RBMS3: variants seen among roughly 807,000 people sequenced by gnomAD.
The protein encoded by RBMS3 is RNA binding motif single stranded interacting protein 3.
RBMS3 carries 27 observed loss-of-function variants against 66.8 expected under a neutral mutation model. The observed-to-expected ratio is 0.40, with a 90% CI of 0.30 to 0.56. The LOEUF (loss-of-function observed/expected upper bound fraction) is 0.56, where lower values mean the gene tolerates loss of function less well. Among genes scored for constraint, RBMS3 ranks in the 20% least tolerant of loss-of-function variants. The pLI is 0.40. For synonymous variants in RBMS3, 188 were observed against 183.0 expected, an observed-to-expected ratio of 1.03 and a Z score of -0.22; for missense variants, 513 against 549.5, an observed-to-expected ratio of 0.93 and a Z score of 0.66.
In RBMS3 at chr3:29,429,119, C is replaced by T. The variant is rs190657683; in HGVS notation, c.76-5624C>T. Among the ~76,000 whole-genome samples the T allele has an allele frequency of 7.2e-5, 11 of 152,118 alleles. No homozygotes were observed. In the East Asian group the frequency reaches 1.4e-3, roughly 19 times the overall value. On this transcript the variant is annotated intron_variant, in intron 1 of 14. Coordinates refer to ENST00000383767, the MANE Select transcript of RBMS3 (RefSeq NM_001003793.3). Reference sequence around the variant, plus strand: ...CTGCGTGGCTTCTGGAGTCAGAGTCCCTGGCCTCAAGTTGGGCTCCAGCTG... The same window carrying T: ...CTGCGTGGCTTCTGGAGTCAGAGTCTCTGGCCTCAAGTTGGGCTCCAGCTG...
chr3:29,788,241 T>G (rs566225465), intron 6 of RBMS3, among the ~76,000 whole-genome samples: 1 of 148,358 alleles, frequency 6.7e-6, no homozygotes, highest in East Asian at 2.0e-4. Flanking sequence ...AATTAAAAAT[T>G]TGTAATTTTA....
intron 6 of RBMS3, among the ~76,000 whole-genome samples, chr3:29,775,324 TA>T (rs1223747458): frequency 2.0e-5 from 3 of 151,936 alleles, no homozygotes; most frequent in Non-Finnish European, 2.9e-5. Context: ...TGTTTTGTTT[TA>T]TTTTTTTAAA....
At chr3:29,408,633 CT>C (rs1352116078) in intron 1 of RBMS3, among the ~76,000 whole-genome samples, 6 of 152,188 alleles carry the variant, frequency 3.9e-5, no homozygotes, top group African/African-American at 1.4e-4. Flanking sequence ...TTATGATACA[CT>C]TTTTTTATAT....
intron 4 of RBMS3, among the ~76,000 whole-genome samples, chr3:29,674,416 G>A (rs2051144329): frequency 6.6e-6 from 1 of 152,026 alleles, no homozygotes; most frequent in Non-Finnish European, 1.5e-5. Flanking sequence ...TAATCAGGCG[G>A]GAGAAAGAAA....
intron 3 of RBMS3, among the ~76,000 whole-genome samples, chr3:29,559,747 A>T (rs903981942): frequency 6.6e-6 from 1 of 152,134 alleles, no homozygotes; most frequent in African/African-American, 2.4e-5. Flanking sequence ...GAATGAATGA[A>T]TGAATGAAAT....
chr3:29,987,645 A>G (rs1698520923), intron 12 of RBMS3, among the ~76,000 whole-genome samples: 2 of 152,328 alleles, frequency 1.3e-5, no homozygotes, highest in South Asian at 2.1e-4. Context: ...ACATTTGCCA[A>G]TAATGCCAAT....
chr3:29,807,757 A>C (rs149958379), intron 6 of RBMS3, among the ~76,000 whole-genome samples: 15 of 151,602 alleles, frequency 9.9e-5, no homozygotes, highest in Middle Eastern at 3.4e-3. Flanking sequence ...GTAAAAATAA[A>C]ATACCAAAAA....
chr3:29,989,329 T>A (rs1270388640), intron 13 of RBMS3, among the ~76,000 whole-genome samples: 1 of 152,146 alleles, frequency 6.6e-6, no homozygotes, highest in African/African-American at 2.4e-5. Context: ...GTAAAACACT[T>A]AGGTACCTAT....
chr3:29,906,279 A>G (rs1007195774), intron 10 of RBMS3, among the ~76,000 whole-genome samples: 2 of 152,096 alleles, frequency 1.3e-5, no homozygotes, highest in African/African-American at 2.4e-5. Flanking sequence ...TATATAGCTC[A>G]CAATTCTGGA....
At chr3:29,710,511 A>C (rs964769586) in intron 4 of RBMS3, among the ~76,000 whole-genome samples, 1 of 152,182 alleles carries the variant, frequency 6.6e-6, no homozygotes, top group Non-Finnish European at 1.5e-5. Flanking sequence ...ACACAGTCGC[A>C]GGCACAGCAT....
chr3:29,413,540 A>C (rs905970293), intron 1 of RBMS3, among the ~76,000 whole-genome samples: 1 of 152,232 alleles, frequency 6.6e-6, no homozygotes, highest in African/African-American at 2.4e-5. Flanking sequence ...ATTTGGAAAC[A>C]TAATTCTAGT....
intron 4 of RBMS3, among the ~76,000 whole-genome samples, chr3:29,714,472 G>T (rs147917890): frequency 5.3e-5 from 8 of 152,126 alleles, no homozygotes; most frequent in Non-Finnish European, 1.0e-4. Flanking sequence ...AGACAGCCAC[G>T]TATGTGAGTC....
chr3:29,654,562 GTGTGTGTGTGTA>G (rs1334878268), intron 4 of RBMS3, among the ~76,000 whole-genome samples: 1 of 131,254 alleles, frequency 7.6e-6, no homozygotes, highest in Non-Finnish European at 1.7e-5. Context: ...GTGTGTGTGT[GTGTGTGTGTGTA>G]TTGGGCATGT....
chr3:29,483,132 T>C (rs185904812), intron 2 of RBMS3, among the ~76,000 whole-genome samples: 1 of 121,266 alleles, frequency 8.2e-6, no homozygotes, highest in African/African-American at 3.4e-5. Flanking sequence ...GGTGAAACCC[T>C]GTCTCTACTA....
chr3:29,779,566 C>T (rs1178067984), intron 6 of RBMS3, among the ~76,000 whole-genome samples: 1 of 151,006 alleles, frequency 6.6e-6, no homozygotes, highest in East Asian at 1.9e-4. Flanking sequence ...CTTAAAAAAA[C>T]AATTACCACA....
chr3:29,922,373 G>A (rs1466519778), intron 10 of RBMS3, among the ~76,000 whole-genome samples: 1 of 151,490 alleles, frequency 6.6e-6, no homozygotes, highest in Non-Finnish European at 1.5e-5. Context: ...TGTAGTCCCA[G>A]CTACTCGGGA....
intron 6 of RBMS3, among the ~76,000 whole-genome samples, chr3:29,836,535 C>T (rs932269598): frequency 1.3e-5 from 2 of 151,762 alleles, no homozygotes; most frequent in African/African-American, 4.8e-5. Flanking sequence ...ACAGAAGGAT[C>T]GTTACCAGGG....
chr3:30,000,142 C>T (rs1699519622), intron 14 of RBMS3, among the ~76,000 whole-genome samples: 1 of 151,818 alleles, frequency 6.6e-6, no homozygotes, highest in Non-Finnish European at 1.5e-5. Context: ...TGCAATCTAC[C>T]CATCTGACAA....
At chr3:29,419,525 C>T (rs927485937) in intron 1 of RBMS3, among the ~76,000 whole-genome samples, 4 of 152,056 alleles carry the variant, frequency 2.6e-5, no homozygotes, top group South Asian at 2.1e-4. Context: ...TTCTTCAAGT[C>T]GAAATTCTGG....
Sources: gnomAD v4.1 joint callset for allele counts (sites outside exome capture counted in the v4.1 genomes callset) on GRCh38, gnomAD v4.1.1 for gene constraint, MANE v1.5 for transcripts, NCBI Gene and HGNC (gene_info 2026-07-23, HGNC 2026-07-21) for gene names.